RASGRP1: variants seen among roughly 807,000 people sequenced by gnomAD.
RASGRP1 encodes RAS guanyl releasing protein 1, also known as RAS guanyl-releasing protein 1.
RASGRP1 carries 37 observed loss-of-function variants against 95.1 expected under a neutral mutation model. That is an observed-to-expected ratio of 0.39 (90% confidence interval 0.30 to 0.51). RASGRP1 has a LOEUF of 0.51. Among genes scored for constraint, RASGRP1 ranks in the 20% least tolerant of loss-of-function variants. The pLI is 0.80. For synonymous variants in RASGRP1, 325 were observed against 353.4 expected (o/e 0.92, Z 0.90); for missense variants, 711 against 965.4 (o/e 0.74, Z 3.49).
At chr15:38,531,334 C>T (rs1279610451) in intron 2 of RASGRP1, among the ~76,000 whole-genome samples, 5 of 152,170 alleles carry the variant, frequency 3.3e-5, no homozygotes, top group Non-Finnish European at 7.3e-5. Flanking sequence ...CACCATTCGT[C>T]AGGATAAGGA....
intron 2 of RASGRP1, among the ~76,000 whole-genome samples, chr15:38,546,416 C>T (rs146683724): frequency 0.034 from 5,165 of 152,068 alleles, 306 homozygotes; most frequent in African/African-American, 0.12. Context: ...TTAGTAGAGA[C>T]GGAGTTTCAC....
chr15:38,508,225 C>A (rs1227323900), intron 8 of RASGRP1, among the ~76,000 whole-genome samples: 1 of 152,152 alleles, frequency 6.6e-6, no homozygotes, highest in African/African-American at 2.4e-5. Flanking sequence ...ATGCTTGAAT[C>A]TGTTATATAA....
chr15:38,509,560 C>T (rs578233395), intron 8 of RASGRP1, among the ~76,000 whole-genome samples: 1 of 152,076 alleles, frequency 6.6e-6, no homozygotes, highest in Non-Finnish European at 1.5e-5. Context: ...AACCCCGTCT[C>T]TACTAAAAAT....
rs1893962263 is a variant in RASGRP1 at position 38,564,664 on chromosome 15, G to C, written c.-36C>G. 8.1e-6 allele frequency: 10 copies of C among 1,239,186 alleles called. No homozygotes were observed. The highest frequency in any genetic ancestry group is 1.6e-5 in the African/African-American group (1 of 63,616). The allele number at this position is 1,239,186 out of a possible 1,614,324, so 76.8% of individuals were successfully genotyped here. A position where few individuals can be genotyped will look rare whatever the true frequency, so the allele number is the denominator to read the frequency against. On this transcript the variant is annotated 5_prime_UTR_variant, in exon 1 of 17. Coordinates refer to ENST00000310803, the MANE Select transcript of RASGRP1 (RefSeq NM_005739.4). The stretch of plus-strand genomic sequence containing the variant: ...CGCGCTCCCGGTGCCGGCTCACCTA[G>C]CGCGGCCGGGCGCGGCGCATCGCCC...
At chr15:38,518,156 G>A in intron 5 of RASGRP1, 136 bp downstream of exon 5, 1 of 797,506 alleles carries the variant, frequency 1.3e-6, no homozygotes, top group East Asian at 2.7e-5. Context: ...GTTTGAACCT[G>A]TGTATTTGAG....
chr15:38,526,966 A>C (rs2141141757), intron 2 of RASGRP1, among the ~76,000 whole-genome samples: 1 of 152,336 alleles, frequency 6.6e-6, no homozygotes. Flanking sequence ...AAATAAAAGA[A>C]GACTATGGGC....
chr15:38,503,608 A>G (rs1891130153), intron 10 of RASGRP1: 1 of 527,770 alleles, frequency 1.9e-6, no homozygotes, highest in Non-Finnish European at 3.3e-6. Flanking sequence ...CTGCAGCTAC[A>G]GATAATTTGA....
At chr15:38,496,550 G>C (rs1348273451) in intron 15 of RASGRP1, among the ~76,000 whole-genome samples, 6 of 152,298 alleles carry the variant, frequency 3.9e-5, no homozygotes, top group Admixed American at 1.3e-4. Flanking sequence ...AAAATACAGA[G>C]TGCATGAATG....
chr15:38,547,816 GCA>G, intron 2 of RASGRP1, among the ~76,000 whole-genome samples: 1 of 152,170 alleles, frequency 6.6e-6, no homozygotes, highest in East Asian at 1.9e-4. Flanking sequence ...ATCAGCTGTG[GCA>G]CAGTCATGAC....
Position 38,564,595 on chromosome 15 carries a change from G to C in RASGRP1, c.34C>G (p.Arg12Gly), listed in dbSNP as rs777064884. ...AGGGCCACGGCCGCCTCTACTCACC[G>C]CGGAGCCTCTCTCGCCTTGCCCAGG... is the stretch of plus-strand genomic sequence containing the variant. ...GTLGKAREAP[R>G]KPSHGCRAAS... The change falls in exon 1 of 17, where the codon CGG becomes GGG. Residue 12 changes from arginine to glycine, a missense_variant and splice_region_variant. By Grantham distance (125) the Arg-to-Gly change is moderately radical (BLOSUM62 -2). This residue lies in a region of RASGRP1 where 491 missense variants were observed against 676.6 expected (regional missense o/e 0.73). Coordinates refer to ENST00000310803, the MANE Select transcript of RASGRP1 (RefSeq NM_005739.4). The C allele has an allele frequency of 1.1e-5, 15 of 1,383,938 alleles. No individual in the cohort carries two copies. The highest frequency in any genetic ancestry group is 1.4e-5 in the Non-Finnish European group (15 of 1,056,928). The allele number at this position is 1,383,938 out of a possible 1,614,324, so 85.7% of individuals were successfully genotyped here.
Position 38,560,003 on chromosome 15 carries a change from T to C in RASGRP1, c.38A>G (p.Lys13Arg). ...TLGKAREAPR[K>R]PSHGCRAASK... ...GGCAGCTCTGCAGCCATGGGAAGGT[T>C]TCCTGGGGAAAGAGAGAAGGCAGTG... The change falls in exon 2 of 17, where the codon AAA (lysine) becomes AGA (arginine). Residue 13 changes from lysine (K) to arginine (R), a missense_variant and splice_region_variant. Coordinates refer to ENST00000310803, the MANE Select transcript of RASGRP1 (RefSeq NM_005739.4). The C allele has an allele frequency of 3.1e-6, 5 of 1,610,492 alleles. No homozygotes were observed. The highest frequency in any genetic ancestry group is 4.2e-6 in the Non-Finnish European group (5 of 1,178,074).
In RASGRP1 at chr15:38,526,305, A is replaced by G; in HGVS notation, c.320T>C (p.Ile107Thr). The change falls in exon 3 of 17, where the codon ATC becomes ACC. Residue 107 changes from isoleucine (I) to threonine (T), a missense_variant. Physicochemically the swap from Ile to Thr is moderately conservative, Grantham distance 89 (BLOSUM62 -1). Transcript: ENST00000310803. ...TCACTATGTTAAAGGATATAGGGTG[A>G]TAACTTTTTGGAGCAGTTCTGCAGA... The part of the protein sequence containing the change: ...ISSAELLQKV[I>T]TLYKDALAKN... 1 of 1,612,178 alleles carries G rather than the reference A, an allele frequency of 6.2e-7. No homozygotes were observed. The highest frequency in any genetic ancestry group is 1.3e-5 in the African/African-American group (1 of 74,984).
intron 2 of RASGRP1, among the ~76,000 whole-genome samples, chr15:38,548,756 T>C (rs1893207123): frequency 6.6e-6 from 1 of 152,230 alleles, no homozygotes; most frequent in Non-Finnish European, 1.5e-5. Context: ...TCACATACTA[T>C]GACTGTTTGA....
At position 38,488,105 on chromosome 15, in the gene RASGRP1, G is replaced by A. The variant is rs1890422217; in HGVS notation, c.*2449C>T. ...AGAAGAAACACAAGACATTTGTGTT[G>A]TAGGGATCCTAATGTCTTTTATCAT... On this transcript the variant is annotated 3_prime_UTR_variant, in exon 17 of 17. Transcript: ENST00000310803. 1 of 152,042 alleles carries A rather than the reference G, an allele frequency of 6.6e-6. No homozygotes were observed. Among genetic ancestry groups the A allele is most frequent in the South Asian group, 2.1e-4 (1 of 4,824 alleles). 9.4% of individuals were successfully genotyped at this position (152,042 alleles called of 1,614,324 possible).
intron 2 of RASGRP1, among the ~76,000 whole-genome samples, chr15:38,541,392 A>G (rs1425428898): frequency 2.6e-5 from 4 of 152,028 alleles, no homozygotes; most frequent in Non-Finnish European, 5.9e-5. Flanking sequence ...GGAGTTTGAG[A>G]CCAGCCTGGG....
chr15:38,541,475 C>T (rs1892856603), intron 2 of RASGRP1, among the ~76,000 whole-genome samples: 1 of 152,028 alleles, frequency 6.6e-6, no homozygotes, highest in Admixed American at 6.6e-5. Context: ...GACTATGGTC[C>T]CAGCTATTTG....
intron 15 of RASGRP1, among the ~76,000 whole-genome samples, chr15:38,496,455 AG>A (rs1159958107): frequency 6.6e-6 from 1 of 152,172 alleles, no homozygotes; most frequent in Non-Finnish European, 1.5e-5. Flanking sequence ...CCTCAGATTC[AG>A]GCTGTTCTCT....
intron 2 of RASGRP1, among the ~76,000 whole-genome samples, chr15:38,546,085 A>T (rs1446326369): frequency 6.6e-6 from 1 of 152,216 alleles, no homozygotes; most frequent in Non-Finnish European, 1.5e-5. Flanking sequence ...TCCTCTGGCA[A>T]GCTGCATTAT....
chr15:38,503,188 T>C, intron 11 of RASGRP1, 84 bp downstream of exon 11: 1 of 1,104,916 alleles, frequency 9.1e-7, no homozygotes, highest in East Asian at 2.5e-5. Flanking sequence ...TTTCCACCAT[T>C]GTGCTTTCCT....
Sources: allele counts gnomAD v4.1 joint callset (sites outside exome capture counted in the v4.1 genomes callset), GRCh38; gene constraint gnomAD v4.1.1; regional missense constraint gnomAD v4.1.1; transcripts MANE v1.5; gene names NCBI Gene and HGNC (gene_info 2026-07-23, HGNC 2026-07-21).